TNRC6C: variants seen among roughly 807,000 people sequenced by gnomAD.
The protein encoded by TNRC6C is trinucleotide repeat-containing gene 6C protein.
A neutral mutation model predicts 153.7 loss-of-function variants in TNRC6C; 20 were observed. The ratio of observed to expected loss-of-function variants is 0.13; its 90% CI spans 0.09 to 0.19. TNRC6C has a LOEUF of 0.19. Ranked by LOEUF, TNRC6C falls within the 10% of genes least tolerant of loss-of-function variation. The pLI, the probability that TNRC6C is intolerant of heterozygous loss-of-function variation, is 1.00. For missense variants in TNRC6C, 1,987 were observed against 2,172.0 expected (o/e 0.91, Z 1.69); for synonymous variants, 811 against 841.4 (o/e 0.96, Z 0.63).
exon 3 of TNRC6C, chr17:78,050,405 G>T: frequency 1.9e-6 from 3 of 1,614,018 alleles, no homozygotes; most frequent in Non-Finnish European, 2.5e-6. Flanking sequence ...TCTAATACTG[G>T]TTGGGGACAG....
chr17:78,031,700 G>A (rs2072077889), exon 2 of TNRC6C: 2 of 1,232,344 alleles, frequency 1.6e-6, no homozygotes, highest in Non-Finnish European at 2.0e-6. Context: ...AAGAACAGAA[G>A]CAGCTATTAA....
intron 3 of TNRC6C, among the ~76,000 whole-genome samples, chr17:78,057,419 C>T (rs987027981): frequency 1.3e-5 from 2 of 152,264 alleles, no homozygotes; most frequent in African/African-American, 4.8e-5. Flanking sequence ...AACAGTTCCA[C>T]ACCAGTTCCC....
intron 16 of TNRC6C, among the ~76,000 whole-genome samples, 167 bp downstream of exon 18, chr17:78,093,930 A>AT (rs923794401): frequency 6.6e-6 from 1 of 151,986 alleles, no homozygotes; most frequent in Non-Finnish European, 1.5e-5. Context: ...GGTAGTGCTT[A>AT]TGGAGAAATG....
intron 1 of TNRC6C, among the ~76,000 whole-genome samples, chr17:77,959,593 C>T (rs924544978): frequency 1.3e-5 from 2 of 152,112 alleles, no homozygotes; most frequent in Non-Finnish European, 2.9e-5. Flanking sequence ...TTCCGGGCAG[C>T]CCCCCGCAGA....
intron 16 of TNRC6C, among the ~76,000 whole-genome samples, chr17:78,094,440 CTT>C (rs199858938): frequency 0.11 from 14,782 of 136,760 alleles, 866 homozygotes; most frequent in East Asian, 0.18. Flanking sequence ...TCTTTTGTTT[CTT>C]TTTTTTTTTT....
At chr17:78,053,044 A>G (rs2072569475) in intron 3 of TNRC6C, among the ~76,000 whole-genome samples, 1 of 152,168 alleles carries the variant, frequency 6.6e-6, no homozygotes, top group Non-Finnish European at 1.5e-5. Flanking sequence ...AGTCAGAGCC[A>G]CTTGCCTTCA....
At chr17:78,030,012 G>C (rs1390113752) in intron 1 of TNRC6C, among the ~76,000 whole-genome samples, 2 of 151,800 alleles carry the variant, frequency 1.3e-5, no homozygotes, top group African/African-American at 2.4e-5. Flanking sequence ...GTTGTTTTTG[G>C]CTTTTTTTTA....
chr17:77,967,675 A>G (rs967699827), intron 1 of TNRC6C, among the ~76,000 whole-genome samples: 1 of 152,222 alleles, frequency 6.6e-6, no homozygotes, highest in South Asian at 2.1e-4. Context: ...TGAAAAAACA[A>G]TGTGTGACGC....
At chr17:77,970,290 G>C (rs927911813) in intron 1 of TNRC6C, among the ~76,000 whole-genome samples, 1 of 152,136 alleles carries the variant, frequency 6.6e-6, no homozygotes, top group Admixed American at 6.5e-5. Flanking sequence ...CTGTTGCCCA[G>C]GCTGGAGTGC....
chr17:78,075,137 C>G lies in TNRC6C; in HGVS notation c.2919C>G (p.Ser973Arg). The stretch of plus-strand genomic sequence containing the variant: ...TTGCTTCTGTTTGTTGTGCTCCAGG[C>G]GCTCTGCTGGAAAAGAAGGTGGACG... The change falls in exon 8 of 20, where the codon AGC becomes AGG. Residue 973 changes from serine to arginine, a missense_variant and splice_region_variant. Physicochemically the swap from Ser to Arg is moderately radical, Grantham distance 110. Transcript: ENST00000301624. The surrounding 1 kb of genome is among the most constrained non-coding windows in gnomAD (Gnocchi z 4.2). The G allele has an allele frequency of 6.2e-7, 1 of 1,613,204 alleles. No homozygotes were observed. The highest frequency in any genetic ancestry group is 8.5e-7 in the Non-Finnish European group (1 of 1,179,566).
chr17:78,091,955 AAATC>A (rs1310512803), intron 14 of TNRC6C, among the ~76,000 whole-genome samples: 1 of 152,174 alleles, frequency 6.6e-6, no homozygotes, highest in Non-Finnish European at 1.5e-5. Context: ...CATAAATAGA[AAATC>A]AAATATACAG....
At chr17:78,061,093 C>T (rs2072759336) in intron 3 of TNRC6C, among the ~76,000 whole-genome samples, 1 of 152,168 alleles carries the variant, frequency 6.6e-6, no homozygotes, top group Non-Finnish European at 1.5e-5. Flanking sequence ...TTATTATCCC[C>T]ATCTCTGTTT....
chr17:78,050,246 C>T, exon 3 of TNRC6C: 1 of 1,540,768 alleles, frequency 6.5e-7, no homozygotes, highest in Non-Finnish European at 8.7e-7. Flanking sequence ...GGAACTACAG[C>T]AAGTGAAGGA....
At chr17:78,083,282 C>T (rs542857508) in intron 11 of TNRC6C, 116 bp downstream of exon 13, 3 of 1,346,900 alleles carry the variant, frequency 2.2e-6, no homozygotes, top group African/African-American at 2.8e-5. Flanking sequence ...GTCATTGAGA[C>T]TCTCATGAAG....
rs1467353337 is a variant in TNRC6C, at chr17:78,043,738, A to G, written c.-218-5107A>G. On this transcript the variant is annotated intron_variant, in intron 2 of 19. Coordinates refer to ENST00000301624, the Ensembl canonical transcript of TNRC6C. ...ACTTCTCCCCACCCCTCACTCTCGC[A>G]CTACCCTTCCTAGCCTCTATCTTCA... 5.3e-5 allele frequency among the ~76,000 whole-genome samples: 8 copies of G among 151,414 alleles called. 1 individual carries two copies. In the South Asian group the frequency reaches 1.2e-3, roughly 24 times the overall value.
chr17:78,010,866 G>T (rs909621539), intron 1 of TNRC6C, among the ~76,000 whole-genome samples: 1 of 152,182 alleles, frequency 6.6e-6, no homozygotes, highest in Non-Finnish European at 1.5e-5. Context: ...GGGTAAAAAT[G>T]TATTGCCAGA....
chr17:78,051,748 A>G (rs2311444), intron 3 of TNRC6C, among the ~76,000 whole-genome samples: 6,294 of 152,182 alleles, frequency 0.041, 424 homozygotes, highest in African/African-American at 0.14. Context: ...TTTGAAAGCA[A>G]TGACAGTGCA....
intron 10 of TNRC6C, 81 bp from the exon 13 acceptor site, chr17:78,082,966 T>C: frequency 6.5e-7 from 1 of 1,528,226 alleles, no homozygotes; most frequent in Non-Finnish European, 8.9e-7. Flanking sequence ...TTTAATCATT[T>C]TTGAATTTTG....
intron 1 of TNRC6C, among the ~76,000 whole-genome samples, chr17:78,025,775 A>C (rs2071931024): frequency 6.6e-6 from 1 of 152,208 alleles, no homozygotes; most frequent in South Asian, 2.1e-4. Context: ...AATCTTAAGT[A>C]ATCACAAAAA....
Sources: allele counts gnomAD v4.1 joint callset (sites outside exome capture counted in the v4.1 genomes callset), GRCh38; gene constraint gnomAD v4.1.1; non-coding constraint Gnocchi (gnomAD v3.1); transcripts MANE v1.5; gene names NCBI Gene and HGNC (gene_info 2026-07-23, HGNC 2026-07-21).